PRRC2C: variants seen among roughly 807,000 people sequenced by gnomAD.
PRRC2C encodes the protein protein PRRC2C.
A neutral mutation model predicts 317.2 loss-of-function variants in PRRC2C; 72 were observed. The observed-to-expected ratio is 0.23, with a 90% confidence interval of 0.19 to 0.28. PRRC2C has a LOEUF of 0.28. Ranked by LOEUF, PRRC2C falls within the 10% of genes least tolerant of loss-of-function variation. The pLI, the probability that PRRC2C is intolerant of heterozygous loss-of-function variation, is 1.00. For synonymous variants in PRRC2C, 1,296 were observed against 1,205.9 expected (o/e 1.07, Z -1.55); for missense variants, 3,074 against 3,459.7 (o/e 0.89, Z 2.80).
Position 171,492,738 on chromosome 1 carries a change from T to TTTTTTTTATTTA in PRRC2C, c.-58+7006_-58+7007insTTTTATTTATTT, listed in dbSNP as rs145937281. ...CAAGAGGGTAGGGGAATTTTTTTAA[T>TTTTTTTTATTTA]TTTATTTATTTATTTATTTATTTAT... On this transcript the variant is annotated intron_variant, in intron 1 of 34. Transcript: ENST00000647382. Among the ~76,000 whole-genome samples, 354 of 144,350 alleles carry TTTTTTTTATTTA rather than the reference T, an allele frequency of 2.5e-3. 1 individual carries two copies. Among genetic ancestry groups the TTTTTTTTATTTA allele is most frequent in the African/African-American group, 7.9e-3 (308 of 39,020 alleles). The allele number at this position is 144,350 out of a possible 152,430, so 94.7% of individuals were successfully genotyped here. A position where few individuals can be genotyped will look rare whatever the true frequency, so the allele number is the denominator to read the frequency against.
At position 171,515,849 on chromosome 1, in the gene PRRC2C, A is replaced by G. The variant is rs768520255; in HGVS notation, c.516A>G (p.Leu172=). 6.3e-7 allele frequency: 1 copy of G among 1,595,492 alleles called. No homozygotes were observed. The change falls in exon 5 of 35, where the codon TTA becomes TTG. Residue 172 remains leucine (L), a synonymous_variant. Coordinates refer to ENST00000647382, the MANE Select transcript of PRRC2C (RefSeq NM_001387844.1). ...ACAACTATGGACCTGGACCCAGTTTACGTCCACCAAGTAAGAGTACTTTCT... is the reference window on the plus strand; with the variant it reads ...ACAACTATGGACCTGGACCCAGTTTGCGTCCACCAAGTAAGAGTACTTTCT... ...NDDNYGPGPS[L]RPPNVACWRD... is the part of the protein sequence containing the mutation.
intron 1 of PRRC2C, among the ~76,000 whole-genome samples, chr1:171,489,335 T>G (rs1666701722): frequency 6.6e-6 from 1 of 152,214 alleles, no homozygotes; most frequent in African/African-American, 2.4e-5. Flanking sequence ...CAACAAAGAT[T>G]GAAGATTCTT....
rs1204035826 is a variant in PRRC2C, at chr1:171,557,525, G to A, written c.5413G>A (p.Ala1805Thr). The part of the protein sequence containing the change: ...VLASTSAPVP[A>T]SPLAPVSASA... ...GGCCTCAACCTCAGCTCCAGTTCCA[G>A]CCTCACCCTTAGCTCCAGTTTCAGC... The change falls in exon 19 of 35, where the codon GCC (alanine) becomes ACC (threonine). Residue 1805 changes from alanine (A) to threonine (T), a missense_variant. By Grantham distance (58) the Ala-to-Thr change is moderately conservative. Around this residue, in one of 11 missense-constraint regions of PRRC2C, gnomAD observed 640 missense variants for 676.1 expected, o/e 0.95. Transcript: ENST00000647382. 1 of 1,551,414 alleles carries A rather than the reference G, an allele frequency of 6.4e-7. No individual in the cohort carries two copies. Among genetic ancestry groups the A allele is most frequent in the Non-Finnish European group, 8.7e-7 (1 of 1,146,964 alleles).
chr1:171,517,894 A>C, intron 6 of PRRC2C, 80 bp downstream of exon 6: 1 of 1,217,054 alleles, frequency 8.2e-7, no homozygotes, highest in Non-Finnish European at 1.1e-6. Flanking sequence ...TATAGGGAAA[A>C]GTTTAGGTCT....
chr1:171,554,184 AC>A (rs1262569830), intron 18 of PRRC2C, among the ~76,000 whole-genome samples: 1 of 151,820 alleles, frequency 6.6e-6, no homozygotes, highest in African/African-American at 2.4e-5. Flanking sequence ...TAGAATAGTT[AC>A]CTCTTCTTGT....
intron 1 of PRRC2C, among the ~76,000 whole-genome samples, chr1:171,505,115 C>T (rs546464079): frequency 5.3e-5 from 8 of 151,796 alleles, no homozygotes; most frequent in Non-Finnish European, 1.2e-4. Flanking sequence ...GCAAACTCCG[C>T]CTCCTGGGTT....
Position 171,538,537 on chromosome 1 carries a change from GTAATGTTTTA to G in PRRC2C, c.2504+1079_2504+1088del, listed in dbSNP as rs550021507. On this transcript the variant is annotated intron_variant, in intron 15 of 34. Transcript: ENST00000647382. ...CCCTTTTATGGGCTATATTTTTTTG[GTAATGTTTTA>G]TAATGTTTTATAATTATTTGTAATT... Among the ~76,000 whole-genome samples the G allele has an allele frequency of 3.9e-3, 587 of 152,048 alleles. 4 individuals are homozygous for G. Among genetic ancestry groups the G allele is most frequent in the African/African-American group, 0.013 (538 of 41,488 alleles).
chr1:171,524,795 ATTTC>A, intron 9 of PRRC2C, 22 bp from the exon 10 acceptor site: 1 of 1,527,870 alleles, frequency 6.5e-7, no homozygotes, highest in Non-Finnish European at 8.8e-7. Flanking sequence ...GGTCCACTTT[ATTTC>A]TTCTGCATTT....
chr1:171,526,805 C>CTTT (rs938229816), intron 10 of PRRC2C, among the ~76,000 whole-genome samples: 18 of 90,202 alleles, frequency 2.0e-4, no homozygotes, highest in African/African-American at 4.2e-4. Context: ...AGAAATATAT[C>CTTT]TTTTTTTTTT....
In PRRC2C at chr1:171,540,493, T is replaced by C. The variant is rs2102490357; in HGVS notation, c.3027T>C (p.Asp1009=). The C allele has an allele frequency of 6.2e-7, 1 of 1,613,176 alleles. No homozygotes were observed. ...PSSNRREEVN[D]RPVRRSGPIK... ...CTAACAGAAGGGAAGAAGTTAATGA[T>C]AGACCTGTGAGAAGATCAGGTCCCA... The change falls in exon 16 of 35, where the codon GAT becomes GAC. Residue 1009 remains aspartate (D), a synonymous_variant. Coordinates refer to ENST00000647382, the MANE Select transcript of PRRC2C (RefSeq NM_001387844.1).
chr1:171,536,067 G>T lies in PRRC2C; in HGVS notation c.2082G>T (p.Gln694His). ...MKQQQWQQQQQQGVLPQTVPS... is the reference protein window; with the variant it reads ...MKQQQWQQQQHQGVLPQTVPS... ...AGCAGCAGTGGCAGCAGCAGCAACAGCAAGGTGTACTTCCACAGACTGTTC... is the reference window on the plus strand; with the variant it reads ...AGCAGCAGTGGCAGCAGCAGCAACATCAAGGTGTACTTCCACAGACTGTTC... The change falls in exon 14 of 35, where the codon CAG becomes CAT. Residue 694 changes from glutamine (Q) to histidine (H), a missense_variant. Transcript: ENST00000647382. 1 of 1,552,550 alleles carries T rather than the reference G, an allele frequency of 6.4e-7. No individual in the cohort carries two copies. Among genetic ancestry groups the T allele is most frequent in the Non-Finnish European group, 8.7e-7 (1 of 1,147,362 alleles).
chr1:171,538,255 G>A (rs903015679), intron 15 of PRRC2C, among the ~76,000 whole-genome samples: 1 of 152,136 alleles, frequency 6.6e-6, no homozygotes, highest in African/African-American at 2.4e-5. Flanking sequence ...GATTATAGAC[G>A]TGAGCCATCG....
intron 23 of PRRC2C, among the ~76,000 whole-genome samples, chr1:171,570,057 T>C (rs973704268): frequency 2.0e-5 from 3 of 152,106 alleles, no homozygotes; most frequent in Admixed American, 6.5e-5. Flanking sequence ...TTGTTAGCAG[T>C]GTAGCCAGGG....
chr1:171,501,666 T>A (rs1163547760), intron 1 of PRRC2C, among the ~76,000 whole-genome samples: 1 of 152,202 alleles, frequency 6.6e-6, no homozygotes, highest in Admixed American at 6.5e-5. Flanking sequence ...GTACTAACAT[T>A]GTAAAAGTAA....
rs767321457 is a variant in PRRC2C at position 171,584,064 on chromosome 1, A to G, written c.7518A>G (p.Ala2506=). The change falls in exon 29 of 35, where the codon GCA becomes GCG. Residue 2506 remains alanine, a synonymous_variant. Coordinates refer to ENST00000647382, the MANE Select transcript of PRRC2C (RefSeq NM_001387844.1). ...PTVQHQELAK[A]QSGLAFQQTS... ...TCCAACACCAAGAACTTGCCAAGGC[A>G]CAATCCGGTCTTGCCTTTCAGCAAA... The G allele has an allele frequency of 6.3e-5, 102 of 1,613,890 alleles. No homozygotes were observed. Among genetic ancestry groups the G allele is most frequent in the Non-Finnish European group, 7.5e-5 (89 of 1,179,866 alleles).
intron 5 of PRRC2C, among the ~76,000 whole-genome samples, chr1:171,516,249 CAA>C (rs1038888336): frequency 2.0e-5 from 3 of 151,962 alleles, no homozygotes; most frequent in African/African-American, 7.3e-5. Context: ...ACTGAGGAAA[CAA>C]ATAATTTTGG....
intron 19 of PRRC2C, 27 bp from the exon 20 acceptor site, chr1:171,560,991 A>G (rs752454197): frequency 1.3e-6 from 2 of 1,524,826 alleles, no homozygotes; most frequent in Admixed American, 1.7e-5. Context: ...AATCTTAATC[A>G]TGTTTTTTAT....
rs758473857 is a variant in PRRC2C at position 171,541,237 on chromosome 1, C to G, written c.3771C>G (p.Pro1257=). Residue 1257 remains proline (P), a synonymous_variant, in exon 16 of 35, where the codon CCC becomes CCG. Transcript: ENST00000647382. The surrounding 1 kb of genome is among the most constrained non-coding windows in gnomAD (Gnocchi z 4.1). Reference sequence around the variant, plus strand: ...AGAGCTCTGATTTTGAAGTTGTCCCCAAAAGAAGACGACAGCGGGGTTCAG... The same window carrying G: ...AGAGCTCTGATTTTGAAGTTGTCCCGAAAAGAAGACGACAGCGGGGTTCAG... ...RSESSDFEVV[P]KRRRQRGSET... is the part of the protein sequence containing the mutation. The G allele has an allele frequency of 2.5e-6, 4 of 1,613,312 alleles. No individual in the cohort carries two copies. Among genetic ancestry groups the G allele is most frequent in the Non-Finnish European group, 3.4e-6 (4 of 1,179,784 alleles).
chr1:171,533,901 C>T (rs1207120133), intron 12 of PRRC2C, among the ~76,000 whole-genome samples: 2 of 152,098 alleles, frequency 1.3e-5, no homozygotes, highest in African/African-American at 2.4e-5. Flanking sequence ...GGATTGTAGA[C>T]GTGAGCCACC....
Sources: allele counts gnomAD v4.1 joint callset (sites outside exome capture counted in the v4.1 genomes callset), GRCh38; gene constraint gnomAD v4.1.1; regional missense constraint gnomAD v4.1.1; non-coding constraint Gnocchi (gnomAD v3.1); transcripts MANE v1.5; gene names NCBI Gene and HGNC (gene_info 2026-07-23, HGNC 2026-07-21).